The following UGT1A10 variants were observed in gnomAD, a reference collection of about 807,000 sequenced individuals.
UGT1A10 encodes UDP-glucuronosyltransferase 1A10.
A neutral mutation model predicts 45.8 loss-of-function variants in UGT1A10; 49 were observed. That is an observed-to-expected ratio of 1.07 (90% CI 0.85 to 1.36). UGT1A10 has a LOEUF of 1.36. UGT1A10 is among the 40% of genes most tolerant of loss of function. The probability of loss-of-function intolerance (pLI) is 0.00; values close to 1 mark genes in which losing one functional copy is unlikely to be tolerated. For missense variants in UGT1A10, 745 were observed against 668.6 expected (o/e 1.11, Z -1.26); for synonymous variants, 284 against 249.7 (o/e 1.14, Z -1.29).
chr2:233,755,054 C>T (rs748506326), intron 1 of UGT1A10: 2 of 1,332,588 alleles, frequency 1.5e-6, no homozygotes, highest in Admixed American at 3.8e-5. Context: ...CGCCCTCCGC[C>T]CTCGCCTCGC....
chr2:233,719,282 T>C, intron 1 of UGT1A10: 1 of 1,614,148 alleles, frequency 6.2e-7, no homozygotes, highest in Non-Finnish European at 8.5e-7. Context: ...CAGACCCCGT[T>C]AACCTCTGTG....
At chr2:233,673,444 T>C (rs2074258854) in intron 1 of UGT1A10, among the ~76,000 whole-genome samples, 1 of 152,174 alleles carries the variant, frequency 6.6e-6, no homozygotes, top group Admixed American at 6.6e-5. Context: ...TAAACACTCT[T>C]TAATACTTTC....
chr2:233,767,800 A>G (rs1049574519), intron 2 of UGT1A10, 49 bp from the exon 3 acceptor site: 1 of 1,614,072 alleles, frequency 6.2e-7, no homozygotes, highest in African/African-American at 1.3e-5. Context: ...TTTGTTTTCT[A>G]ATCATATTAT....
At chr2:233,642,506 C>T (rs564230416) in intron 1 of UGT1A10, among the ~76,000 whole-genome samples, 9 of 152,342 alleles carry the variant, frequency 5.9e-5, no homozygotes, top group Non-Finnish European at 7.3e-5. Context: ...GTTTCTCCAG[C>T]GTTAGTCCCT....
intron 1 of UGT1A10, among the ~76,000 whole-genome samples, chr2:233,720,042 G>T (rs1048137470): frequency 2.0e-5 from 3 of 152,186 alleles, no homozygotes; most frequent in African/African-American, 7.2e-5. Flanking sequence ...CTGATTTTCA[G>T]CTGAACGGTG....
intron 1 of UGT1A10, chr2:233,755,094 G>A (rs1173383438): frequency 1.5e-6 from 2 of 1,335,004 alleles, no homozygotes; most frequent in Non-Finnish European, 2.0e-6. Flanking sequence ...GCGTTTCTAC[G>A]CGTCCGACAA....
chr2:233,701,576 T>C (rs955691834), intron 1 of UGT1A10, among the ~76,000 whole-genome samples: 6 of 152,220 alleles, frequency 3.9e-5, no homozygotes, highest in East Asian at 1.9e-4. Context: ...TACTCCAAAA[T>C]TGACCACATA....
At chr2:233,713,006 C>T (rs755278737) in intron 1 of UGT1A10, 4 of 1,613,544 alleles carry the variant, frequency 2.5e-6, no homozygotes, top group Non-Finnish European at 3.4e-6. Context: ...CCACAGGACT[C>T]CAGGTTCCCC....
chr2:233,677,864 G>A (rs2074402058), intron 1 of UGT1A10, among the ~76,000 whole-genome samples: 1 of 152,016 alleles, frequency 6.6e-6, no homozygotes, highest in African/African-American at 2.4e-5. Context: ...AGAAACACAT[G>A]CACTGGTATG....
chr2:233,754,674 C>G (rs1158611461), intron 1 of UGT1A10: 5 of 470,208 alleles, frequency 1.1e-5, no homozygotes. Context: ...GATTTTTTTA[C>G]CATCAACTAT....
chr2:233,712,342 C>T (rs2076227848), intron 1 of UGT1A10, among the ~76,000 whole-genome samples: 1 of 152,212 alleles, frequency 6.6e-6, no homozygotes, highest in Admixed American at 6.5e-5. Context: ...CTGATCATCA[C>T]ATCTTGAGCT....
chr2:233,718,771 A>G, intron 1 of UGT1A10: 1 of 1,612,862 alleles, frequency 6.2e-7, no homozygotes, highest in African/African-American at 1.3e-5. Context: ...AAACAAATGT[A>G]GCAGGCACAG....
rs1354150076 is a variant in UGT1A10 at position 233,648,348 on chromosome 2, A to C, written c.855+10971A>C. On this transcript the variant is annotated intron_variant, in intron 1 of 4. Coordinates refer to ENST00000344644, the MANE Select transcript of UGT1A10 (RefSeq NM_019075.4). The stretch of plus-strand genomic sequence containing the variant: ...TCTCGGTGGTCTTCGCCAGAGGAAT[A>C]CTTTGACATTACCTTGAAGAAGGTG... 3.0e-5 allele frequency: 13 copies of C among 439,426 alleles called. 1 individual carries two copies. The highest frequency in any genetic ancestry group is 5.6e-5 in the Non-Finnish European group (13 of 230,502). 27.2% of individuals were successfully genotyped at this position (439,426 alleles called of 1,614,324 possible). A position where few individuals can be genotyped will look rare whatever the true frequency, so the allele number is the denominator to read the frequency against.
intron 1 of UGT1A10, among the ~76,000 whole-genome samples, chr2:233,709,365 T>C (rs1407856539): frequency 2.0e-5 from 3 of 152,214 alleles, no homozygotes; most frequent in Admixed American, 6.5e-5. Flanking sequence ...TAGATTTTTC[T>C]GTGTCCTAAT....
In UGT1A10 at chr2:233,681,530, CAAAAAAA is replaced by C. The variant is rs747693860; in HGVS notation, c.855+44171_855+44177del. 2.1e-3 allele frequency among the ~76,000 whole-genome samples: 167 copies of C among 77,724 alleles called. 2 individuals carry two copies. Among genetic ancestry groups the C allele is most frequent in the East Asian group, 7.3e-4 (2 of 2,728 alleles). The allele number at this position is 77,724 out of a possible 152,430, so 51.0% of individuals were successfully genotyped here. On this transcript the variant is annotated intron_variant, in intron 1 of 4. Coordinates refer to ENST00000344644, the MANE Select transcript of UGT1A10 (RefSeq NM_019075.4). ...TGGATGACACAGTGAGACTCCATCT[CAAAAAAA>C]AAAAAAAAAAAAAAAAATTGCAAAT...
At chr2:233,760,224 G>T in intron 1 of UGT1A10, 1 of 1,586,312 alleles carries the variant, frequency 6.3e-7, no homozygotes. Flanking sequence ...TGTATCGATT[G>T]GTTTTTGCCA....
At chr2:233,710,658 C>G (rs2076141376) in intron 1 of UGT1A10, among the ~76,000 whole-genome samples, 1 of 152,126 alleles carries the variant, frequency 6.6e-6, no homozygotes, top group African/African-American at 2.4e-5. Context: ...GATACAAGTG[C>G]TATGTCAGAT....
intron 1 of UGT1A10, among the ~76,000 whole-genome samples, chr2:233,751,636 C>T (rs915046603): frequency 2.0e-5 from 3 of 152,122 alleles, no homozygotes; most frequent in African/African-American, 7.2e-5. Flanking sequence ...GTGCAGTTTC[C>T]CCCTTGCTGT....
At chr2:233,686,522 G>T (rs757832173) in intron 1 of UGT1A10, among the ~76,000 whole-genome samples, 1 of 152,052 alleles carries the variant, frequency 6.6e-6, no homozygotes, top group Non-Finnish European at 1.5e-5. Flanking sequence ...CTCCACCTGC[G>T]TTAGAACCTA....
Sources: allele counts gnomAD v4.1 joint callset (sites outside exome capture counted in the v4.1 genomes callset), GRCh38; gene constraint gnomAD v4.1.1; transcripts MANE v1.5; gene names NCBI Gene and HGNC (gene_info 2026-07-23, HGNC 2026-07-21).